The following CMIP variants were observed in gnomAD, a reference collection of about 807,000 sequenced individuals.
CMIP encodes the protein c-Maf inducing protein.
In CMIP, 13 loss-of-function variants were observed where a neutral mutation model predicts 97.3. That is an observed-to-expected ratio of 0.13 (90% CI 0.09 to 0.21). The LOEUF is 0.21. Among genes scored for constraint, CMIP ranks in the 10% least tolerant of loss-of-function variants. The probability of loss-of-function intolerance (pLI) is 1.00; values close to 1 mark genes in which losing one functional copy is unlikely to be tolerated. For missense variants in CMIP, 847 were observed against 1,024.9 expected (o/e 0.83, Z 2.37); for synonymous variants, 538 against 436.3 (o/e 1.23, Z -2.91).
chr16:81,608,623 G>C (rs1011068553), intron 2 of CMIP, among the ~76,000 whole-genome samples: 40 of 152,112 alleles, frequency 2.6e-4, no homozygotes, highest in African/African-American at 9.2e-4. Flanking sequence ...CCCAGGTCTC[G>C]GATTGGTAGC....
chr16:81,669,674 C>T (rs913588912), intron 7 of CMIP, among the ~76,000 whole-genome samples: 5 of 110,122 alleles, frequency 4.5e-5, no homozygotes, highest in Admixed American at 1.8e-4. Flanking sequence ...ACCTCACACT[C>T]ACCTCCTTCC....
At chr16:81,601,207 T>C (rs2091651117) in intron 1 of CMIP, among the ~76,000 whole-genome samples, 1 of 152,234 alleles carries the variant, frequency 6.6e-6, no homozygotes, top group Non-Finnish European at 1.5e-5. Context: ...TTTTCCAGAC[T>C]GGCTTCTTTT....
chr16:81,541,090 C>T (rs1189631902), intron 1 of CMIP, among the ~76,000 whole-genome samples: 1 of 151,452 alleles, frequency 6.6e-6, no homozygotes, highest in Non-Finnish European at 1.5e-5. Context: ...CAATTATGTA[C>T]TATATATATA....
At chr16:81,496,780 C>T (rs1305974184) in intron 1 of CMIP, among the ~76,000 whole-genome samples, 1 of 152,266 alleles carries the variant, frequency 6.6e-6, no homozygotes, top group Non-Finnish European at 1.5e-5. Flanking sequence ...GGTGCTCCAT[C>T]TCTTGGGCTT....
At chr16:81,701,536 C>A (rs1907406751) in intron 15 of CMIP, 124 bp from the exon 16 acceptor site, 1 of 1,357,516 alleles carries the variant, frequency 7.4e-7, no homozygotes, top group South Asian at 1.3e-5. Context: ...GCTTACACAG[C>A]CGGGGCTGCA....
intron 1 of CMIP, among the ~76,000 whole-genome samples, chr16:81,455,291 A>G (rs938714145): frequency 6.6e-6 from 1 of 152,202 alleles, no homozygotes; most frequent in African/African-American, 2.4e-5. Flanking sequence ...GCCAGGGGCT[A>G]TGCTATGCAG....
chr16:81,614,885 A>G lies in CMIP; in HGVS notation c.427-5991A>G, dbSNP rs977183112. Among the ~76,000 whole-genome samples the G allele has an allele frequency of 6.9e-6, 1 of 145,412 alleles. No homozygotes were observed. Among genetic ancestry groups the G allele is most frequent in the African/African-American group, 2.6e-5 (1 of 38,870 alleles). On this transcript the variant is annotated intron_variant, in intron 2 of 20. Transcript: ENST00000537098. The surrounding 1 kb of genome is among the most constrained non-coding windows in gnomAD (Gnocchi z 5.3). ...GTGTGCATGTGTGTGTGGTATGTGCATGTGTGTGTGTCCTGTGTCTATATG... is the reference window on the plus strand; with the variant it reads ...GTGTGCATGTGTGTGTGGTATGTGCGTGTGTGTGTGTCCTGTGTCTATATG...
chr16:81,585,833 C>A (rs80196126), intron 1 of CMIP, among the ~76,000 whole-genome samples: 4 of 152,140 alleles, frequency 2.6e-5, no homozygotes, highest in Non-Finnish European at 5.9e-5. Flanking sequence ...TCTCAAGATT[C>A]GGCTGTGAGC....
intron 20 of CMIP, among the ~76,000 whole-genome samples, chr16:81,709,407 C>T (rs1204175986): frequency 6.6e-6 from 1 of 152,222 alleles, no homozygotes; most frequent in East Asian, 1.9e-4. Context: ...ACTGAGGCCC[C>T]TAGAGGCTGG....
intron 1 of CMIP, among the ~76,000 whole-genome samples, chr16:81,493,560 A>G (rs1434445013): frequency 6.6e-6 from 1 of 152,274 alleles, no homozygotes; most frequent in Non-Finnish European, 1.5e-5. Context: ...TCAGGACAGC[A>G]GCCAGCATGG....
At chr16:81,660,316 C>T (rs1166924061) in intron 5 of CMIP, among the ~76,000 whole-genome samples, 1 of 151,698 alleles carries the variant, frequency 6.6e-6, no homozygotes, top group African/African-American at 2.4e-5. Flanking sequence ...CTCTGTCACC[C>T]AGGCTAGAGT....
intron 1 of CMIP, among the ~76,000 whole-genome samples, chr16:81,467,486 TTA>T (rs1401459316): frequency 6.6e-6 from 1 of 152,212 alleles, no homozygotes; most frequent in African/African-American, 2.4e-5. Flanking sequence ...AAAATGGCAT[TTA>T]TACCCCAGGT....
At chr16:81,588,236 G>A (rs754905759) in intron 1 of CMIP, among the ~76,000 whole-genome samples, 9 of 152,154 alleles carry the variant, frequency 5.9e-5, no homozygotes, top group African/African-American at 1.9e-4. Flanking sequence ...AGGGAAAGAC[G>A]GCTTGCATAG....
chr16:81,501,460 TTAC>T lies in CMIP; in HGVS notation c.300+55920_300+55922del, dbSNP rs149591427. Among the ~76,000 whole-genome samples, 552 of 152,254 alleles carry T rather than the reference TTAC, an allele frequency of 3.6e-3. 5 individuals are homozygous for T. Among genetic ancestry groups the T allele is most frequent in the African/African-American group, 0.013 (527 of 41,542 alleles). On this transcript the variant is annotated intron_variant, in intron 1 of 20. Coordinates refer to ENST00000537098, the MANE Select transcript of CMIP (RefSeq NM_198390.3). ...ACTCCTTCTTACTTGACTTATAAGG[TTAC>T]GCTATTAAATAGCGTCATCTGCAGA...
intron 1 of CMIP, among the ~76,000 whole-genome samples, chr16:81,478,474 G>A (rs1908064969): frequency 6.6e-6 from 1 of 152,190 alleles, no homozygotes; most frequent in Non-Finnish European, 1.5e-5. Context: ...AGGTCAGATG[G>A]ACATGTGTCA....
In CMIP at chr16:81,703,995, C is replaced by T. The variant is rs1907732408; in HGVS notation, c.2001C>T (p.Leu667=). The T allele has an allele frequency of 6.2e-7, 1 of 1,602,772 alleles. No individual in the cohort carries two copies. The highest frequency in any genetic ancestry group is 1.1e-5 in the South Asian group (1 of 89,180). ...GCTCCTTCGGAAACCTGGAGAACCT[C>T]AGTTTGGCCTTCACCAATGTAACCA... ...SSGSFGNLEN[L]SLAFTNVTSA... is the part of the protein sequence containing the mutation. Residue 667 remains leucine (L), a synonymous_variant, in exon 18 of 21, where the codon CTC becomes CTT. Transcript: ENST00000537098.
intron 1 of CMIP, among the ~76,000 whole-genome samples, chr16:81,557,752 C>T (rs2090794307): frequency 6.6e-6 from 1 of 152,196 alleles, no homozygotes; most frequent in East Asian, 1.9e-4. Context: ...GTTGACAGAT[C>T]AAGAACCTGT....
At chr16:81,457,277 C>T (rs1418367156) in intron 1 of CMIP, among the ~76,000 whole-genome samples, 1 of 152,042 alleles carries the variant, frequency 6.6e-6, no homozygotes, top group Non-Finnish European at 1.5e-5. Context: ...GCCAGGTCGC[C>T]TTTGCCTCTT....
At chr16:81,445,606 T>G in intron 1 of CMIP, 65 bp downstream of exon 1, 1 of 1,488,208 alleles carries the variant, frequency 6.7e-7, no homozygotes, top group Non-Finnish European at 9.0e-7. Flanking sequence ...CCTCCCTGGC[T>G]GCCCCCTGGC....
Sources: allele counts gnomAD v4.1 joint callset (sites outside exome capture counted in the v4.1 genomes callset), GRCh38; gene constraint gnomAD v4.1.1; non-coding constraint Gnocchi (gnomAD v3.1); transcripts MANE v1.5; gene names NCBI Gene and HGNC (gene_info 2026-07-23, HGNC 2026-07-21).